Variants in PIK3R5 observed in about 807,000 individuals in gnomAD.
PIK3R5 encodes phosphoinositide-3-kinase regulatory subunit 5, also known as phosphoinositide 3-kinase regulatory subunit 5.
In PIK3R5, 32 loss-of-function variants were observed where a neutral mutation model predicts 94.9. The ratio of observed to expected loss-of-function variants is 0.34; its 90% CI spans 0.25 to 0.45. PIK3R5 has a LOEUF of 0.45. PIK3R5 is among the 20% of genes least tolerant of loss of function. The pLI is 1.00. For missense variants in PIK3R5, 853 were observed against 1,144.6 expected (o/e 0.75, Z 3.68); for synonymous variants, 443 against 479.4 (o/e 0.92, Z 0.99).
At position 8,889,907 on chromosome 17, in the gene PIK3R5, T is replaced by A. The variant is rs2089981099; in HGVS notation, c.811+66A>T. ...AGAGCCACCAGGCCCGCCTGGACCGTGCACCTTGGGACCTAGAATAGGCCA... is the reference window on the plus strand; with the variant it reads ...AGAGCCACCAGGCCCGCCTGGACCGAGCACCTTGGGACCTAGAATAGGCCA... On this transcript the variant is annotated intron_variant, in intron 8 of 18. Coordinates refer to ENST00000447110, the MANE Select transcript of PIK3R5 (RefSeq NM_001142633.3). This position sits in a 1 kb window ranked among gnomAD's most constrained non-coding sequence, Gnocchi z 4.1. 6.4e-7 allele frequency: 1 copy of A among 1,573,262 alleles called. No individual in the cohort carries two copies. The highest frequency in any genetic ancestry group is 1.7e-5 in the Admixed American group (1 of 59,700).
chr17:8,943,462 A>G (rs950056747), intron 1 of PIK3R5, among the ~76,000 whole-genome samples: 3 of 152,114 alleles, frequency 2.0e-5, no homozygotes, highest in Non-Finnish European at 4.4e-5. Flanking sequence ...ATACTTGAGC[A>G]CACATCTCTC....
In PIK3R5 at chr17:8,925,135, ATAG is replaced by A. The variant is rs938556371; in HGVS notation, c.-13-13631_-13-13629del. On this transcript the variant is annotated intron_variant, in intron 1 of 18. Transcript: ENST00000447110. The surrounding 1 kb of genome is among the most constrained non-coding windows in gnomAD (Gnocchi z 5.1). ...AGATAGATAGTAGATGGATAGATAG[ATAG>A]TAGATGAATAGATAGCTAGATAGTA... 5.9e-5 allele frequency among the ~76,000 whole-genome samples: 9 copies of A among 151,414 alleles called. No homozygotes were observed.
In PIK3R5 at chr17:8,934,700, A is replaced by G. The variant is rs778621007; in HGVS notation, c.-13-23193T>C. 9.9e-5 allele frequency among the ~76,000 whole-genome samples: 15 copies of G among 152,166 alleles called. No homozygotes were observed. In the Middle Eastern group the frequency reaches 0.01, roughly 104 times the overall value. ...TAATCAAGACAATCTGGTACTGACG[A>G]TTTAAGCACACGTAGATCAACACAA... On this transcript the variant is annotated intron_variant, in intron 1 of 18. Transcript: ENST00000447110.
chr17:8,958,988 C>T (rs2091511817), intron 1 of PIK3R5, among the ~76,000 whole-genome samples: 1 of 152,120 alleles, frequency 6.6e-6, no homozygotes, highest in African/African-American at 2.4e-5. Flanking sequence ...GAACTCCTGA[C>T]CTCAGGTGAT....
At position 8,909,534 on chromosome 17, in the gene PIK3R5, G is replaced by C. The variant is rs761462401; in HGVS notation, c.104-360C>G. On this transcript the variant is annotated intron_variant, in intron 2 of 18. Transcript: ENST00000447110. The surrounding 1 kb of genome is among the most constrained non-coding windows in gnomAD (Gnocchi z 4.3). ...GATCTCCTGACCTCGTGATCCGCCC[G>C]CCTCGGACTCCCAAAGTGCTGGGAT... 6.6e-6 allele frequency among the ~76,000 whole-genome samples: 1 copy of C among 152,144 alleles called. No individual in the cohort carries two copies. Among genetic ancestry groups the C allele is most frequent in the Non-Finnish European group, 1.5e-5 (1 of 68,004 alleles).
In PIK3R5 at chr17:8,887,171, G is replaced by A; in HGVS notation, c.1830C>T (p.Tyr610=). 1.2e-6 allele frequency: 2 copies of A among 1,613,992 alleles called. No individual in the cohort carries two copies. The highest frequency in any genetic ancestry group is 1.7e-6 in the Non-Finnish European group (2 of 1,179,986). The change falls in exon 12 of 19, where the codon TAC becomes TAT. Residue 610 remains tyrosine, a synonymous_variant. Transcript: ENST00000447110. The part of the protein sequence containing the change: ...WEESTNDISH[Y]LGMLDPWYER... ...CATACCAGGGGTCCAGCATGCCGAG[G>A]TAGTGGGAGATGTCATTGGTGCTCT...
At chr17:8,944,173 A>C (rs1219100391) in intron 1 of PIK3R5, among the ~76,000 whole-genome samples, 1 of 152,202 alleles carries the variant, frequency 6.6e-6, no homozygotes, top group African/African-American at 2.4e-5. Context: ...GTTTGCTAAG[A>C]ATAACAGACA....
At chr17:8,939,107 C>G (rs1275699299) in intron 1 of PIK3R5, among the ~76,000 whole-genome samples, 6 of 152,164 alleles carry the variant, frequency 3.9e-5, no homozygotes, top group Admixed American at 3.9e-4. Context: ...GACAATCCTT[C>G]CAGGTGGTCA....
chr17:8,940,293 G>A (rs557338164), intron 1 of PIK3R5, among the ~76,000 whole-genome samples: 19 of 152,294 alleles, frequency 1.2e-4, no homozygotes, highest in African/African-American at 4.6e-4. Context: ...CTCTGGACCT[G>A]TTTACTTGAC....
chr17:8,953,105 G>A (rs1189951222), intron 1 of PIK3R5, among the ~76,000 whole-genome samples: 1 of 152,164 alleles, frequency 6.6e-6, no homozygotes, highest in Non-Finnish European at 1.5e-5. Context: ...ATGGGAAGTT[G>A]GACGCCTCCT....
chr17:8,888,287 C>T lies in PIK3R5; in HGVS notation c.1500G>A (p.Gln500=). The T allele has an allele frequency of 1.2e-6, 2 of 1,613,216 alleles. No homozygotes were observed. Among genetic ancestry groups the T allele is most frequent in the Non-Finnish European group, 1.7e-6 (2 of 1,179,860 alleles). Residue 500 remains glutamine (Q), a synonymous_variant, in exon 10 of 19, where the codon CAG becomes CAA. Transcript: ENST00000447110. The surrounding 1 kb of genome is among the most constrained non-coding windows in gnomAD (Gnocchi z 7.8). ...SWLLAPASRP[Q]RRRPFLSGDE... ...CTCCACTCAGGAAGGGGCGGCGGCG[C>T]TGGGGGCGTGAAGCAGGGGCCAGAA...
At chr17:8,883,009 T>C (rs384801) in intron 15 of PIK3R5, among the ~76,000 whole-genome samples, 61,138 of 152,076 alleles carry the variant, frequency 0.4, 12,750 homozygotes, top group Middle Eastern at 0.52. Flanking sequence ...GTCACAGGCA[T>C]TCCCAGCCCC....
chr17:8,953,129 C>T (rs1041360279), intron 1 of PIK3R5, among the ~76,000 whole-genome samples: 1 of 152,188 alleles, frequency 6.6e-6, no homozygotes, highest in Non-Finnish European at 1.5e-5. Flanking sequence ...TTATTCATTG[C>T]ACCCATTACA....
chr17:8,944,964 A>T (rs1465680552), intron 1 of PIK3R5, among the ~76,000 whole-genome samples: 1 of 152,220 alleles, frequency 6.6e-6, no homozygotes, highest in Non-Finnish European at 1.5e-5. Context: ...AACGTCCAGC[A>T]AGTCCACAGC....
chr17:8,956,965 G>C (rs772290551), intron 1 of PIK3R5, among the ~76,000 whole-genome samples: 50 of 152,222 alleles, frequency 3.3e-4, no homozygotes, highest in Non-Finnish European at 6.8e-4. Flanking sequence ...GAATGGCTAT[G>C]GTTTTCTCAC....
rs1302170384 is a variant in PIK3R5 at position 8,881,992 on chromosome 17, A to G, written c.2206-111T>C. 2 of 778,408 alleles carry G rather than the reference A, an allele frequency of 2.6e-6. No homozygotes were observed. Among genetic ancestry groups the G allele is most frequent in the East Asian group, 2.7e-5 (1 of 37,512 alleles). The allele number at this position is 778,408 out of a possible 1,614,324, so 48.2% of individuals were successfully genotyped here. A position where few individuals can be genotyped will look rare whatever the true frequency, so the allele number is the denominator to read the frequency against. Reference sequence around the variant, plus strand: ...GGTTGCCTCTAGTTAGCATATCCCCAGAAAGCCCTCTCTTATTCACCAGGG... The same window carrying G: ...GGTTGCCTCTAGTTAGCATATCCCCGGAAAGCCCTCTCTTATTCACCAGGG... On this transcript the variant is annotated intron_variant, in intron 15 of 18. Transcript: ENST00000447110. This position sits in a 1 kb window ranked among gnomAD's most constrained non-coding sequence, Gnocchi z 4.8.
chr17:8,957,950 G>C (rs141470807), intron 1 of PIK3R5, among the ~76,000 whole-genome samples: 121 of 152,304 alleles, frequency 7.9e-4, no homozygotes, highest in African/African-American at 2.8e-3. Context: ...TGCAAAGTCA[G>C]TATATCAAAA....
In PIK3R5 at chr17:8,890,233, C is replaced by T; in HGVS notation, c.658-107G>A. Reference sequence around the variant, plus strand: ...AGGGAGGCAGTGATCTGTCCCCTCCCAGCCTCATCACCCATCTCCTACCCA... The same window carrying T: ...AGGGAGGCAGTGATCTGTCCCCTCCTAGCCTCATCACCCATCTCCTACCCA... On this transcript the variant is annotated intron_variant, in intron 7 of 18. Coordinates refer to ENST00000447110, the MANE Select transcript of PIK3R5 (RefSeq NM_001142633.3). This position sits in a 1 kb window ranked among gnomAD's most constrained non-coding sequence, Gnocchi z 6.1. 8.6e-7 allele frequency: 1 copy of T among 1,164,482 alleles called. No individual in the cohort carries two copies. The highest frequency in any genetic ancestry group is 2.0e-5 in the Admixed American group (1 of 49,666). 72.1% of individuals were successfully genotyped at this position (1,164,482 alleles called of 1,614,324 possible). A position where few individuals can be genotyped will look rare whatever the true frequency, so the allele number is the denominator to read the frequency against.
rs1463380890 is a variant in PIK3R5, at chr17:8,896,099, C to T, written c.413-2444G>A. On this transcript the variant is annotated intron_variant, in intron 5 of 18. Coordinates refer to ENST00000447110, the MANE Select transcript of PIK3R5 (RefSeq NM_001142633.3). The surrounding 1 kb of genome is among the most constrained non-coding windows in gnomAD (Gnocchi z 4.0). ...GGCTTTGATAATATAAGCTTTTGTACAGACTGACTCCTTTGAGCCTGGCTT... is the reference window on the plus strand; with the variant it reads ...GGCTTTGATAATATAAGCTTTTGTATAGACTGACTCCTTTGAGCCTGGCTT... Among the ~76,000 whole-genome samples the T allele has an allele frequency of 1.3e-5, 2 of 152,130 alleles. No individual in the cohort carries two copies. Among genetic ancestry groups the T allele is most frequent in the African/African-American group, 4.8e-5 (2 of 41,428 alleles).
Sources: allele counts gnomAD v4.1 joint callset (sites outside exome capture counted in the v4.1 genomes callset), GRCh38; gene constraint gnomAD v4.1.1; non-coding constraint Gnocchi (gnomAD v3.1); transcripts MANE v1.5; gene names NCBI Gene and HGNC (gene_info 2026-07-23, HGNC 2026-07-21).